NPC1: variants seen among roughly 807,000 people sequenced by gnomAD.
NPC1 encodes the protein Niemann-Pick C1 protein.
In NPC1, 85 loss-of-function variants were observed where a neutral mutation model predicts 140.4. The ratio of observed to expected loss-of-function variants is 0.61; its 90% confidence interval spans 0.51 to 0.72. The LOEUF (loss-of-function observed/expected upper bound fraction) is 0.72, where lower values mean the gene tolerates loss of function less well. Ranked by LOEUF, NPC1 falls within the 30% of genes least tolerant of loss-of-function variation. The pLI is 0.00. For missense variants in NPC1, 1,504 were observed against 1,623.8 expected, an observed-to-expected ratio of 0.93 and a Z score of 1.27; for synonymous variants, 656 against 624.8, an observed-to-expected ratio of 1.05 and a Z score of -0.74.
At chr18:23,543,222 G>A (rs190056707) in intron 14 of NPC1, among the ~76,000 whole-genome samples, 206 of 151,920 alleles carry the variant, frequency 1.4e-3, no homozygotes, top group African/African-American at 4.7e-3. Context: ...CCAGCTATTT[G>A]GGAGGCTGAG....
chr18:23,545,893 A>G (rs988965984), intron 11 of NPC1, among the ~76,000 whole-genome samples: 1 of 152,182 alleles, frequency 6.6e-6, no homozygotes, highest in African/African-American at 2.4e-5. Flanking sequence ...CAGCCACTGC[A>G]TTAGGGTCTT....
Position 23,507,563 on chromosome 18 carries a change from A to G in NPC1, c.432-921T>C, listed in dbSNP as rs535750132. On this transcript the variant is annotated intron_variant, in intron 3 of 3. Transcript: ENST00000591107. ...AGTTGAAGCAGCCTACAGGCACTTTAGCCCGTGTAAATGTTCACCATTGCC... is the reference window on the plus strand; with the variant it reads ...AGTTGAAGCAGCCTACAGGCACTTTGGCCCGTGTAAATGTTCACCATTGCC... Among the ~76,000 whole-genome samples the G allele has an allele frequency of 5.3e-5, 8 of 152,316 alleles. No individual in the cohort carries two copies. In the East Asian group the frequency reaches 1.5e-3, roughly 29 times the overall value.
intron 3 of NPC1, chr18:23,509,256 G>A: frequency 6.9e-7 from 1 of 1,450,146 alleles, no homozygotes. Context: ...CTTCATAACA[G>A]ATCAAGGAAT....
chr18:23,538,562 A>G lies in NPC1; in HGVS notation c.3021T>C (p.Pro1007=). 6.2e-7 allele frequency: 1 copy of G among 1,614,162 alleles called. No homozygotes were observed. The highest frequency in any genetic ancestry group is 8.5e-7 in the Non-Finnish European group (1 of 1,180,008). Residue 1007 remains proline, a synonymous_variant, in exon 20 of 25, where the codon CCT becomes CCC. Transcript: ENST00000269228. ...CTTACCCTTTGCCACACTTGGGGTT[A>G]GGGTTATCCGAAAGGAACATGGGCA... ...RFLPMFLSDN[P]NPKCGKGGHA...
chr18:23,556,112 T>C, intron 8 of NPC1, 131 bp downstream of exon 8: 5 of 808,318 alleles, frequency 6.2e-6, no homozygotes, highest in Non-Finnish European at 1.1e-5. Context: ...AGCTTTGCCA[T>C]TATACGCTAA....
intron 1 of NPC1, among the ~76,000 whole-genome samples, chr18:23,523,566 AAAAG>A (rs1567927840): frequency 7.2e-6 from 1 of 139,634 alleles, no homozygotes; most frequent in Non-Finnish European, 1.6e-5. Flanking sequence ...AAAAAAAAAA[AAAAG>A]AAAAAAAGTT....
At chr18:23,578,917 C>T (rs1393648799) in intron 1 of NPC1, among the ~76,000 whole-genome samples, 2 of 152,262 alleles carry the variant, frequency 1.3e-5, no homozygotes, top group South Asian at 2.1e-4. Context: ...CCTGCCCTCA[C>T]TCGGACCCGG....
At chr18:23,522,963 T>C (rs1410116059) in intron 1 of NPC1, 3 of 152,282 alleles carry the variant, frequency 2.0e-5, no homozygotes, top group Non-Finnish European at 4.4e-5. Context: ...CTTTTTCTTT[T>C]TGTTTTGGGC....
In NPC1 at chr18:23,544,947, C is replaced by CCCA. The variant is rs1555634658; in HGVS notation, c.1947+12_1947+13insTGG. 6.3e-5 allele frequency: 86 copies of CCCA among 1,359,484 alleles called. 7 individuals are homozygous for CCCA. Among genetic ancestry groups the CCCA allele is most frequent in the South Asian group, 5.2e-4 (44 of 84,438 alleles). 84.2% of individuals were successfully genotyped at this position (1,359,484 alleles called of 1,614,324 possible). On this transcript the variant is annotated intron_variant, in intron 12 of 24. Transcript: ENST00000269228. Reference sequence around the variant, plus strand: ...TTAACCTCTAGAACATACACCACCCCCCCCCGGCTTACCAGAAGCCTGCGA... The same window carrying CCCA: ...TTAACCTCTAGAACATACACCACCCCCCACCCCCGGCTTACCAGAAGCCTGCGA...
chr18:23,535,705 A>AG lies in NPC1; in HGVS notation c.3246-6dup, dbSNP rs2058619604. On this transcript the variant is annotated splice_polypyrimidine_tract_variant and splice_region_variant and intron_variant, in intron 21 of 24. Coordinates refer to ENST00000269228, the MANE Select transcript of NPC1 (RefSeq NM_000271.5). ...TCGTAGAAGACATAAAACACACTGG[A>AG]GGGGAGAGGGGAGGCCTCATTAAAG... The AG allele has an allele frequency of 6.3e-7, 1 of 1,585,606 alleles. No individual in the cohort carries two copies. The highest frequency in any genetic ancestry group is 8.7e-7 in the Non-Finnish European group (1 of 1,154,148).
intron 24 of NPC1, 146 bp from the exon 25 acceptor site, chr18:23,532,430 CATCT>C: frequency 1.2e-6 from 1 of 856,350 alleles, no homozygotes; most frequent in Non-Finnish European, 2.0e-6. Context: ...AGTGAGACCA[CATCT>C]CTCTCCCTCT....
chr18:23,532,424 AG>A, intron 24 of NPC1, 140 bp from the exon 25 acceptor site: 1 of 882,558 alleles, frequency 1.1e-6, no homozygotes, highest in East Asian at 2.4e-5. Flanking sequence ...CAACAGAGTG[AG>A]ACCACATCTC....
chr18:23,520,126 C>A, downstream of NPC1: 1 of 1,097,408 alleles, frequency 9.1e-7, no homozygotes, highest in East Asian at 2.4e-5. Context: ...ATTTAAACAG[C>A]AAGATGGGAT....
rs1165179155 is a variant in NPC1, at chr18:23,524,038, A to T, written c.164-1132T>A. 20 of 1,315,774 alleles carry T rather than the reference A, an allele frequency of 1.5e-5. No individual in the cohort carries two copies. The Admixed American group carries it at 3.2e-4, about 21-fold the overall frequency. 81.5% of individuals were successfully genotyped at this position (1,315,774 alleles called of 1,614,324 possible). ...ACAATTGAATAAACATTTCGTAATGACATTAAAAAGTATTGACTTTTGTGT... is the reference window on the plus strand; with the variant it reads ...ACAATTGAATAAACATTTCGTAATGTCATTAAAAAGTATTGACTTTTGTGT... On this transcript the variant is annotated intron_variant, in intron 1 of 1. Coordinates refer to the NPC1 transcript ENST00000590723.
At chr18:23,567,625 A>G (rs1462259601) in intron 4 of NPC1, among the ~76,000 whole-genome samples, 1 of 152,192 alleles carries the variant, frequency 6.6e-6, no homozygotes, top group Admixed American at 6.5e-5. Context: ...CAATCACAAT[A>G]GTGTTACAGT....
chr18:23,542,502 A>G (rs562564682), intron 14 of NPC1, among the ~76,000 whole-genome samples: 4 of 152,072 alleles, frequency 2.6e-5, no homozygotes, highest in African/African-American at 4.8e-5. Context: ...AGCCTCCCCT[A>G]TAGTGGACAG....
chr18:23,541,475 C>A (rs1202252354), intron 14 of NPC1, 42 bp from the exon 15 acceptor site: 2 of 1,613,626 alleles, frequency 1.2e-6, no homozygotes, highest in African/African-American at 2.7e-5. Context: ...CTGTTTACAG[C>A]CGGGGGCTCT....
chr18:23,562,528 T>C lies in NPC1; in HGVS notation c.464-1001A>G, dbSNP rs1399474140. On this transcript the variant is annotated intron_variant, in intron 4 of 24. Transcript: ENST00000269228. ...AGATGCTTACACATTCATTTTGTTTTACCCTTGTTCTGGAAAGACAGGTTA... is the reference window on the plus strand; with the variant it reads ...AGATGCTTACACATTCATTTTGTTTCACCCTTGTTCTGGAAAGACAGGTTA... Among the ~76,000 whole-genome samples the C allele has an allele frequency of 3.3e-5, 5 of 152,078 alleles. No individual in the cohort carries two copies. The East Asian group carries it at 9.6e-4, about 29-fold the overall frequency.
chr18:23,569,036 A>G, intron 3 of NPC1, 38 bp from the exon 4 acceptor site: 1 of 1,435,640 alleles, frequency 7.0e-7, no homozygotes, highest in South Asian at 1.1e-5. Flanking sequence ...ATGATCTCAC[A>G]CATAATAGGG....
Sources: allele counts gnomAD v4.1 joint callset (sites outside exome capture counted in the v4.1 genomes callset), GRCh38; gene constraint gnomAD v4.1.1; transcripts MANE v1.5; gene names NCBI Gene and HGNC (gene_info 2026-07-23, HGNC 2026-07-21).